The following GSG1L2 variants were observed in gnomAD, a reference collection of about 807,000 sequenced individuals.
GSG1L2 encodes the protein GSG1 like 2, also known as germ cell-specific gene 1-like protein 2.
Under a neutral mutation model 9.0 loss-of-function variants are expected in GSG1L2, and 15 were observed. The observed-to-expected ratio is 1.67, with a 90% CI of 1.12 to 2.57. The LOEUF is 2.57. Among genes scored for constraint, GSG1L2 ranks in the 30% most tolerant of loss-of-function variants. The pLI, the probability that GSG1L2 is intolerant of heterozygous loss-of-function variation, is 0.00. For synonymous variants in GSG1L2, 127 were observed against 57.9 expected (o/e 2.19, Z -5.41); for missense variants, 286 against 150.3 (o/e 1.90, Z -4.72).
chr17:9,816,745 CTGTG>C (rs547710238), intron 1 of GSG1L2, among the ~76,000 whole-genome samples: 2 of 132,948 alleles, frequency 1.5e-5, no homozygotes, highest in Non-Finnish European at 3.2e-5. Flanking sequence ...ATGTGTGTAT[CTGTG>C]TGTGTATCTG....
chr17:9,818,693 A>G (rs2066577564), intron 1 of GSG1L2, among the ~76,000 whole-genome samples: 1 of 151,754 alleles, frequency 6.6e-6, no homozygotes, highest in African/African-American at 2.4e-5. Flanking sequence ...TCACTATTGC[A>G]AGGACAGCAC....
In GSG1L2 at chr17:9,817,906, C is replaced by G. The variant is rs557280195; in HGVS notation, c.310+3856G>C. 3.9e-5 allele frequency among the ~76,000 whole-genome samples: 6 copies of G among 152,194 alleles called. No individual in the cohort carries two copies. In the South Asian group the frequency reaches 1.2e-3, roughly 32 times the overall value. ...CCTGCCTTGCATTCTGATGCAAATA[C>G]CTGGGTTATGCTGCCTCAGACATTG... On this transcript the variant is annotated intron_variant, in intron 1 of 4. Coordinates refer to ENST00000399363, the MANE Select transcript of GSG1L2 (RefSeq NM_001310219.2).
intron 1 of GSG1L2, among the ~76,000 whole-genome samples, chr17:9,816,494 CTGTG>C (rs2066561882): frequency 8.7e-6 from 1 of 115,020 alleles, no homozygotes; most frequent in South Asian, 2.9e-4. Flanking sequence ...GTGCATGTGT[CTGTG>C]TGTGCCTGTC....
intron 1 of GSG1L2, among the ~76,000 whole-genome samples, chr17:9,819,936 A>T (rs975210436): frequency 2.6e-5 from 4 of 151,748 alleles, no homozygotes; most frequent in Non-Finnish European, 5.9e-5. Context: ...TTTAAAAAAA[A>T]ATTTTGGCCA....
intron 1 of GSG1L2, among the ~76,000 whole-genome samples, chr17:9,814,162 C>T (rs1023764447): frequency 1.8e-4 from 28 of 152,206 alleles, no homozygotes; most frequent in African/African-American, 6.8e-4. Context: ...TCTCAAACTC[C>T]TGACCTCGTG....
chr17:9,808,762 G>A (rs2066525881), intron 3 of GSG1L2, 68 bp downstream of exon 3: 1 of 684,056 alleles, frequency 1.5e-6, no homozygotes, highest in Non-Finnish European at 2.7e-6. Context: ...TTGGTAATGA[G>A]CATGTCCAGT....
chr17:9,809,189 A>G, intron 2 of GSG1L2: 4 of 528,324 alleles, frequency 7.6e-6, no homozygotes, highest in Non-Finnish European at 1.4e-5. Context: ...GATTGCCCGT[A>G]GCTGAACGGG....
At chr17:9,808,729 A>G (rs1004209282) in intron 3 of GSG1L2, 101 bp downstream of exon 3, 4 of 624,114 alleles carry the variant, frequency 6.4e-6, no homozygotes, top group Non-Finnish European at 5.8e-6. Context: ...ATGGCCATTG[A>G]TGGGAAAGAG....
At chr17:9,816,953 T>G (rs1271070120) in intron 1 of GSG1L2, among the ~76,000 whole-genome samples, 1 of 150,828 alleles carries the variant, frequency 6.6e-6, no homozygotes, top group Non-Finnish European at 1.5e-5. Context: ...GTAAACACTC[T>G]GTGGGTTTGC....
Position 9,810,601 on chromosome 17 carries a change from A to C in GSG1L2, c.328T>G (p.Phe110Val). 1.4e-6 allele frequency: 1 copy of C among 703,066 alleles called. No individual in the cohort carries two copies. The highest frequency in any genetic ancestry group is 2.6e-6 in the Non-Finnish European group (1 of 385,016). 43.6% of individuals were successfully genotyped at this position (703,066 alleles called of 1,614,324 possible). A position where few individuals can be genotyped will look rare whatever the true frequency, so the allele number is the denominator to read the frequency against. The change falls in exon 2 of 5, where the codon TTC becomes GTC. Residue 110 changes from phenylalanine (F) to valine (V), a missense_variant. Coordinates refer to ENST00000399363, the MANE Select transcript of GSG1L2 (RefSeq NM_001310219.2). ...TCTTCAGCTGGCACTACACTCCGGA[A>C]ACTCCTACACTTTTCATCTGAAAGA... Reference protein sequence around the residue: ...LNGEDEKCRSFRSVVPAEEQG... With the variant: ...LNGEDEKCRSVRSVVPAEEQG...
intron 4 of GSG1L2, chr17:9,805,393 G>A (rs2066512911): frequency 6.6e-6 from 1 of 151,256 alleles, no homozygotes; most frequent in Admixed American, 6.7e-5. Flanking sequence ...CACCTACAAA[G>A]GCACATGAAT....
intron 3 of GSG1L2, among the ~76,000 whole-genome samples, chr17:9,808,578 C>T (rs2066525028): frequency 6.6e-6 from 1 of 152,132 alleles, no homozygotes; most frequent in African/African-American, 2.4e-5. Flanking sequence ...GCCAGGGCAC[C>T]CTCTTCCCTG....
intron 3 of GSG1L2, 48 bp downstream of exon 3, chr17:9,808,782 T>C (rs1227535560): frequency 4.3e-6 from 3 of 699,182 alleles, no homozygotes. Flanking sequence ...TCTGACACTC[T>C]GCTTTCCCTC....
chr17:9,807,724 G>T, intron 3 of GSG1L2, 123 bp from the exon 4 acceptor site: 1 of 649,804 alleles, frequency 1.5e-6, no homozygotes, highest in Non-Finnish European at 2.8e-6. Context: ...GTATCTGCAT[G>T]TATTCATCCT....
In GSG1L2 at chr17:9,805,784, G is replaced by C. The variant is rs1218795887; in HGVS notation, c.623+1706C>G. Among the ~76,000 whole-genome samples the C allele has an allele frequency of 3.3e-5, 5 of 152,306 alleles. No homozygotes were observed. In the East Asian group the frequency reaches 7.7e-4, roughly 23 times the overall value. On this transcript the variant is annotated intron_variant, in intron 4 of 4. Coordinates refer to ENST00000399363, the MANE Select transcript of GSG1L2 (RefSeq NM_001310219.2). Reference sequence around the variant, plus strand: ...TTTGGGGGTTTGGAAGTAAAACTGAGAAGCTAATCTGATTAGGTCCACCAA... The same window carrying C: ...TTTGGGGGTTTGGAAGTAAAACTGACAAGCTAATCTGATTAGGTCCACCAA...
chr17:9,816,671 G>GTA (rs2066565160), intron 1 of GSG1L2, among the ~76,000 whole-genome samples: 1 of 66,158 alleles, frequency 1.5e-5, no homozygotes, highest in African/African-American at 4.4e-5. Flanking sequence ...GTGCGTGTGT[G>GTA]TCTGTGTGTG....
At chr17:9,806,662 T>C (rs1259390415) in intron 4 of GSG1L2, among the ~76,000 whole-genome samples, 2 of 152,234 alleles carry the variant, frequency 1.3e-5, no homozygotes, top group African/African-American at 4.8e-5. Context: ...ATCTGAGCCC[T>C]GCTGCAACTA....
intron 1 of GSG1L2, among the ~76,000 whole-genome samples, chr17:9,813,420 G>A (rs1030874240): frequency 2.6e-5 from 4 of 152,198 alleles, no homozygotes; most frequent in African/African-American, 9.7e-5. Flanking sequence ...TATTTACACA[G>A]CCTGGGGCTG....
At chr17:9,810,812 A>G (rs538766036) in intron 1 of GSG1L2, 194 bp from the exon 2 acceptor site, 1 of 584,252 alleles carries the variant, frequency 1.7e-6, no homozygotes, top group East Asian at 2.8e-5. Context: ...TGGCCACGTA[A>G]CACTCTTTGA....
Sources: allele counts gnomAD v4.1 joint callset (sites outside exome capture counted in the v4.1 genomes callset), GRCh38; gene constraint gnomAD v4.1.1; transcripts MANE v1.5; gene names NCBI Gene and HGNC (gene_info 2026-07-23, HGNC 2026-07-21).